The following KSR1 variants were observed in gnomAD, a reference collection of about 807,000 sequenced individuals.
KSR1 encodes kinase suppressor of ras 1.
Under a neutral mutation model 92.9 loss-of-function variants are expected in KSR1, and 35 were observed. That is an observed-to-expected ratio of 0.38 (90% CI 0.29 to 0.50). The LOEUF (loss-of-function observed/expected upper bound fraction) is 0.50, where lower values mean the gene tolerates loss of function less well. KSR1 is among the 20% of genes least tolerant of loss of function. KSR1 has a pLI of 0.94. For synonymous variants in KSR1, 467 were observed against 472.6 expected (o/e 0.99, Z 0.15); for missense variants, 972 against 1,158.5 (o/e 0.84, Z 2.34).
At chr17:27,533,869 T>G (rs774998212) in intron 1 of KSR1, among the ~76,000 whole-genome samples, 47 of 152,222 alleles carry the variant, frequency 3.1e-4, no homozygotes, top group Non-Finnish European at 5.9e-4. Context: ...GTTGATTTCT[T>G]GAGAGCTTGG....
intron 2 of KSR1, among the ~76,000 whole-genome samples, chr17:27,571,071 A>G (rs2072287263): frequency 6.6e-6 from 1 of 152,172 alleles, no homozygotes; most frequent in East Asian, 1.9e-4. Context: ...TCTTTGCTTC[A>G]CTGTGTTGGC....
intron 20 of KSR1, 138 bp downstream of exon 20, chr17:27,621,411 C>T (rs896283048): frequency 2.5e-6 from 1 of 394,646 alleles, no homozygotes; most frequent in Non-Finnish European, 4.5e-6. Context: ...GAGGTTTCTG[C>T]AGCTGAAATG....
intron 2 of KSR1, among the ~76,000 whole-genome samples, chr17:27,551,796 C>T (rs1044475191): frequency 6.6e-6 from 1 of 152,224 alleles, no homozygotes; most frequent in Non-Finnish European, 1.5e-5. Context: ...TCCAGCACCA[C>T]GGTCCAGGCC....
intron 2 of KSR1, among the ~76,000 whole-genome samples, chr17:27,564,255 T>C (rs1207842131): frequency 1.3e-5 from 2 of 152,106 alleles, no homozygotes; most frequent in Non-Finnish European, 2.9e-5. Flanking sequence ...CCTCCCAAAG[T>C]GTTGGGATTA....
chr17:27,474,963 G>A (rs915441017), intron 1 of KSR1, among the ~76,000 whole-genome samples: 2 of 152,192 alleles, frequency 1.3e-5, no homozygotes, highest in African/African-American at 4.8e-5. Flanking sequence ...AGTGGTAAAA[G>A]TGCTGTGGAG....
intron 2 of KSR1, among the ~76,000 whole-genome samples, chr17:27,551,623 G>A (rs1430568030): frequency 6.6e-6 from 1 of 151,458 alleles, no homozygotes; most frequent in African/African-American, 2.4e-5. Flanking sequence ...GGACTGTCCT[G>A]TAAGGTAGTC....
At chr17:27,597,574 C>G (rs2073392015) in intron 10 of KSR1, 138 bp downstream of exon 10, 3 of 888,712 alleles carry the variant, frequency 3.4e-6, no homozygotes, top group Non-Finnish European at 5.0e-6. Context: ...GTCCGGCGCC[C>G]CAAGCACAAT....
chr17:27,513,530 C>A (rs1314524461), intron 1 of KSR1, among the ~76,000 whole-genome samples: 1 of 152,198 alleles, frequency 6.6e-6, no homozygotes, highest in Admixed American at 6.5e-5. Flanking sequence ...CTGGAGGTAG[C>A]ATCACTGCAT....
chr17:27,585,380 G>A (rs763195480), intron 4 of KSR1, among the ~76,000 whole-genome samples: 1 of 152,120 alleles, frequency 6.6e-6, no homozygotes, highest in African/African-American at 2.4e-5. Context: ...GGTTGCTGGC[G>A]AGGCTTACGT....
intron 1 of KSR1, among the ~76,000 whole-genome samples, chr17:27,508,744 T>TATTTATTG (rs2069489204): frequency 6.6e-6 from 1 of 151,556 alleles, no homozygotes; most frequent in Non-Finnish European, 1.5e-5. Context: ...TTTATTTATT[T>TATTTATTG]ATTGAGGTAG....
chr17:27,614,086 GC>G (rs2073993184), intron 18 of KSR1, among the ~76,000 whole-genome samples: 3 of 152,238 alleles, frequency 2.0e-5, no homozygotes. Context: ...ACAGGCATGA[GC>G]CCCCATGCCT....
chr17:27,526,611 A>G (rs2070308936), intron 1 of KSR1: 2 of 1,575,620 alleles, frequency 1.3e-6, no homozygotes, highest in Non-Finnish European at 1.7e-6. Context: ...TTTGTTGATC[A>G]TGTTCAGTCC....
intron 2 of KSR1, among the ~76,000 whole-genome samples, chr17:27,576,589 C>A (rs1311240135): frequency 1.3e-5 from 2 of 152,112 alleles, no homozygotes; most frequent in South Asian, 4.2e-4. Flanking sequence ...AAGATAGCTA[C>A]TAAGTGACAA....
intron 1 of KSR1, among the ~76,000 whole-genome samples, chr17:27,511,394 G>A (rs757546125): frequency 6.6e-6 from 1 of 152,204 alleles, no homozygotes; most frequent in South Asian, 2.1e-4. Flanking sequence ...GTGCTGCTGC[G>A]CATTGAGGGC....
chr17:27,573,853 A>G (rs2151145378), intron 2 of KSR1, among the ~76,000 whole-genome samples: 1 of 152,372 alleles, frequency 6.6e-6, no homozygotes, highest in South Asian at 2.1e-4. Flanking sequence ...TAATGTATAC[A>G]AAGCCCTAGG....
chr17:27,540,967 G>A (rs1194653446), intron 1 of KSR1, among the ~76,000 whole-genome samples: 3 of 152,276 alleles, frequency 2.0e-5, no homozygotes, highest in Non-Finnish European at 2.9e-5. Context: ...TGGGAAGGAA[G>A]TGGAAGATGT....
intron 1 of KSR1, among the ~76,000 whole-genome samples, chr17:27,522,465 C>T (rs1244576106): frequency 1.3e-5 from 2 of 152,226 alleles, no homozygotes; most frequent in Non-Finnish European, 1.5e-5. Context: ...TGGCCCCTCT[C>T]TCTGCCTGGG....
intron 2 of KSR1, among the ~76,000 whole-genome samples, chr17:27,560,915 C>T (rs1000750648): frequency 1.3e-5 from 2 of 152,194 alleles, no homozygotes; most frequent in Non-Finnish European, 2.9e-5. Context: ...ATGTGTCAGC[C>T]CAGCAGCACA....
chr17:27,608,783 C>T (rs1382085411), intron 15 of KSR1, among the ~76,000 whole-genome samples: 1 of 152,186 alleles, frequency 6.6e-6, no homozygotes, highest in Non-Finnish European at 1.5e-5. Context: ...CCTTGTCCTG[C>T]CTGAGAGCAC....
Sources: gnomAD v4.1 joint callset for allele counts (sites outside exome capture counted in the v4.1 genomes callset) on GRCh38, gnomAD v4.1.1 for gene constraint, MANE v1.5 for transcripts, NCBI Gene and HGNC (gene_info 2026-07-23, HGNC 2026-07-21) for gene names.